The following TULP4 variants were observed in gnomAD, a reference collection of about 807,000 sequenced individuals.
TULP4 encodes TUB like protein 4.
In TULP4, 16 loss-of-function variants were observed where a neutral mutation model predicts 129.0. That is an observed-to-expected ratio of 0.12 (90% confidence interval 0.08 to 0.19). The LOEUF is 0.19. Ranked by LOEUF, TULP4 falls within the 10% of genes least tolerant of loss-of-function variation. The pLI is 1.00. For synonymous variants in TULP4, 998 were observed against 854.0 expected, an observed-to-expected ratio of 1.17 and a Z score of -2.94; for missense variants, 1,842 against 2,059.1, an observed-to-expected ratio of 0.89 and a Z score of 2.04.
rs146542439 is a variant in TULP4, at chr6:158,443,948, G to A, written c.544-5048G>A. On this transcript the variant is annotated intron_variant, in intron 3 of 13. Coordinates refer to ENST00000367097, the MANE Select transcript of TULP4 (RefSeq NM_020245.5). ...CTTAAAAAATTTTTTGGCCGGGTGC[G>A]GTGGCTCACGCCTGTAATCCCAGCA... is the stretch of plus-strand genomic sequence containing the variant. Among the ~76,000 whole-genome samples the A allele has an allele frequency of 1.9e-3, 289 of 152,108 alleles. 1 individual carries two copies. The highest frequency in any genetic ancestry group is 6.1e-3 in the African/African-American group (253 of 41,516).
chr6:158,404,706 G>A (rs1004449756), intron 1 of TULP4, among the ~76,000 whole-genome samples: 2 of 151,254 alleles, frequency 1.3e-5, no homozygotes, highest in Non-Finnish European at 2.9e-5. Context: ...AATCCAGGAG[G>A]TGGAGGTTGC....
At chr6:158,318,486 T>A (rs1486119642) in intron 1 of TULP4, among the ~76,000 whole-genome samples, 1 of 152,220 alleles carries the variant, frequency 6.6e-6, no homozygotes, top group Non-Finnish European at 1.5e-5. Context: ...TACCTCATGT[T>A]GTTTACAGCA....
intron 6 of TULP4, among the ~76,000 whole-genome samples, chr6:158,469,794 G>A (rs971312167): frequency 1.3e-5 from 2 of 151,818 alleles, no homozygotes; most frequent in East Asian, 1.9e-4. Context: ...ACTTTGGGTA[G>A]TGGAGTGATA....
chr6:158,258,735 C>T (rs943243625), intron 1 of TULP4, among the ~76,000 whole-genome samples: 20 of 152,172 alleles, frequency 1.3e-4, no homozygotes, highest in African/African-American at 4.8e-4. Flanking sequence ...AACAAAAAAT[C>T]CTTCAAGATT....
intron 6 of TULP4, among the ~76,000 whole-genome samples, chr6:158,464,134 A>G (rs573529180): frequency 6.6e-6 from 1 of 152,352 alleles, no homozygotes; most frequent in Admixed American, 6.5e-5. Flanking sequence ...TGAGCCAAAT[A>G]TGAGCAACCA....
intron 1 of TULP4, among the ~76,000 whole-genome samples, chr6:158,239,536 C>T (rs1261746915): frequency 3.7e-5 from 2 of 54,416 alleles, no homozygotes; most frequent in Admixed American, 3.7e-4. Context: ...TAAGGGCAGC[C>T]GGGCAGAGGC....
chr6:158,336,940 G>A (rs560117774), intron 1 of TULP4, among the ~76,000 whole-genome samples: 1 of 151,970 alleles, frequency 6.6e-6, no homozygotes, highest in Non-Finnish European at 1.5e-5. Flanking sequence ...TAGAATCCAA[G>A]TCTCACTAGT....
chr6:158,280,686 A>G (rs138524223), upstream of TULP4, among the ~76,000 whole-genome samples: 39 of 152,338 alleles, frequency 2.6e-4, no homozygotes, highest in East Asian at 7.1e-3. Context: ...TGAAGATATG[A>G]TTTTGTATTT....
chr6:158,380,886 T>C (rs1777305620), intron 1 of TULP4, among the ~76,000 whole-genome samples: 1 of 59,188 alleles, frequency 1.7e-5, no homozygotes. Context: ...AGAGCAAGAC[T>C]CTGTCTCCAA....
chr6:158,407,576 G>A (rs1430122734), intron 1 of TULP4, among the ~76,000 whole-genome samples: 1 of 152,092 alleles, frequency 6.6e-6, no homozygotes, highest in African/African-American at 2.4e-5. Flanking sequence ...GTTCATAGCA[G>A]TATTCATAAT....
chr6:158,259,544 G>A (rs1937762170), intron 1 of TULP4, among the ~76,000 whole-genome samples: 1 of 152,182 alleles, frequency 6.6e-6, no homozygotes, highest in Non-Finnish European at 1.5e-5. Context: ...TCGCAGTTTT[G>A]AACCACTATT....
intron 1 of TULP4, among the ~76,000 whole-genome samples, chr6:158,333,847 G>A (rs9456291): frequency 0.86 from 131,376 of 152,202 alleles, 57,085 homozygotes; most frequent in South Asian, 0.93. Context: ...AAACTTACAC[G>A]CACAAACAGA....
intron 8 of TULP4, among the ~76,000 whole-genome samples, chr6:158,486,272 G>A (rs954190611): frequency 1.3e-5 from 2 of 152,226 alleles, no homozygotes; most frequent in South Asian, 2.1e-4. Flanking sequence ...AGGACAGTTG[G>A]CCTTATAAGA....
chr6:158,263,319 G>A (rs1190896048), intron 1 of TULP4, among the ~76,000 whole-genome samples: 3 of 152,224 alleles, frequency 2.0e-5, no homozygotes, highest in African/African-American at 4.8e-5. Context: ...AGACACTCAT[G>A]GAGTGAATGG....
intron 1 of TULP4, among the ~76,000 whole-genome samples, chr6:158,306,073 T>G (rs932140393): frequency 6.6e-6 from 1 of 152,214 alleles, no homozygotes; most frequent in Non-Finnish European, 1.5e-5. Context: ...TTGTATCCAT[T>G]ATGCATTTTG....
intron 2 of TULP4, among the ~76,000 whole-genome samples, chr6:158,416,964 A>G (rs536069679): frequency 2.0e-5 from 3 of 152,346 alleles, no homozygotes; most frequent in Non-Finnish European, 4.4e-5. Flanking sequence ...GTAGCCTAGG[A>G]GTAGTAGGCT....
chr6:158,238,863 A>G (rs1777780622), intron 1 of TULP4, among the ~76,000 whole-genome samples: 1 of 98,190 alleles, frequency 1.0e-5, no homozygotes, highest in South Asian at 4.0e-4. Context: ...CGATTTCTCA[A>G]TCTTTTCCCC....
At chr6:158,350,079 A>G (rs1204380337) in intron 1 of TULP4, among the ~76,000 whole-genome samples, 1 of 118,116 alleles carries the variant, frequency 8.5e-6, no homozygotes, top group Non-Finnish European at 1.7e-5. Context: ...GAGGCACTCC[A>G]CTTCCCAGAC....
intron 1 of TULP4, among the ~76,000 whole-genome samples, chr6:158,277,227 C>T (rs1778663479): frequency 6.6e-6 from 1 of 152,224 alleles, no homozygotes; most frequent in East Asian, 1.9e-4. Flanking sequence ...AGGCGTGAGC[C>T]ACCATGCCCA....
Sources: gnomAD v4.1 joint callset for allele counts (sites outside exome capture counted in the v4.1 genomes callset) on GRCh38, gnomAD v4.1.1 for gene constraint, MANE v1.5 for transcripts, NCBI Gene and HGNC (gene_info 2026-07-23, HGNC 2026-07-21) for gene names.